Variants in IKBIP observed in about 807,000 individuals in gnomAD.
The protein encoded by IKBIP is inhibitor of nuclear factor kappa-B kinase-interacting protein.
In IKBIP, 28 loss-of-function variants were observed where a neutral mutation model predicts 31.0. The ratio of observed to expected loss-of-function variants is 0.90; its 90% CI spans 0.67 to 1.24. IKBIP has a LOEUF of 1.24. IKBIP is among the 50% of genes most tolerant of loss of function. IKBIP has a pLI of 0.00. For missense variants in IKBIP, 453 were observed against 441.9 expected, an observed-to-expected ratio of 1.03 and a Z score of -0.23; for synonymous variants, 164 against 160.3, an observed-to-expected ratio of 1.02 and a Z score of -0.17.
chr12:98,624,879 A>G lies in IKBIP; in HGVS notation c.*1051T>C, dbSNP rs900822478. On this transcript the variant is annotated 3_prime_UTR_variant, in exon 3 of 3. Transcript: ENST00000299157. ...GAGTGCAGTGGCGCGATCTCGGCTC[A>G]CTGCAAGCTCTGCCTCCCGGGTTCA... The G allele has an allele frequency of 2.3e-6, 1 of 432,174 alleles. No individual in the cohort carries two copies. The highest frequency in any genetic ancestry group is 9.8e-5 in the South Asian group (1 of 10,190). 26.8% of individuals were successfully genotyped at this position (432,174 alleles called of 1,614,324 possible). A position where few individuals can be genotyped will look rare whatever the true frequency, so the allele number is the denominator to read the frequency against.
chr12:98,617,469 T>A (rs1285016010), intron 2 of IKBIP, among the ~76,000 whole-genome samples: 1 of 152,232 alleles, frequency 6.6e-6, no homozygotes, highest in African/African-American at 2.4e-5. Context: ...TGCACACACA[T>A]GTGCGTGCCT....
intron 1 of IKBIP, among the ~76,000 whole-genome samples, chr12:98,634,692 C>T (rs2097624141): frequency 6.6e-6 from 1 of 151,186 alleles, no homozygotes; most frequent in Non-Finnish European, 1.5e-5. Flanking sequence ...CGCTATGTTG[C>T]CAAAGGTGGT....
At position 98,638,506 on chromosome 12, in the gene IKBIP, C is replaced by G. The variant is rs1411645035; in HGVS notation, c.180-4093G>C. ...CCCAGTCTTGTCTTGAACTCCTGGG[C>G]TCAAGTGATCCTCCTGCCTTGGCCT... On this transcript the variant is annotated intron_variant, in intron 1 of 2. Coordinates refer to ENST00000299157, the MANE Select transcript of IKBIP (RefSeq NM_153687.4). Among the ~76,000 whole-genome samples the G allele has an allele frequency of 3.3e-5, 5 of 152,138 alleles. No homozygotes were observed. In the East Asian group the frequency reaches 9.6e-4, roughly 29 times the overall value.
chr12:98,626,064 T>A lies in IKBIP; in HGVS notation c.1000A>T (p.Ile334Leu). 1 of 1,592,870 alleles carries A rather than the reference T, an allele frequency of 6.3e-7. No homozygotes were observed. The highest frequency in any genetic ancestry group is 8.6e-7 in the Non-Finnish European group (1 of 1,169,074). The part of the protein sequence containing the change: ...TLEGIQYDNS[I>L]LKMQNELDIL... ...TCCAGTTCATTTTGCATCTTTAATA[T>A]GCTATTATCATACTGAATTCCTTCA... The change falls in exon 3 of 3, where the codon ATA (isoleucine) becomes TTA (leucine). Residue 334 changes from isoleucine to leucine, a missense_variant. Coordinates refer to ENST00000299157, the MANE Select transcript of IKBIP (RefSeq NM_153687.4).
chr12:98,640,900 T>C (rs1025088347), intron 1 of IKBIP, among the ~76,000 whole-genome samples: 3 of 152,120 alleles, frequency 2.0e-5, no homozygotes, highest in African/African-American at 7.2e-5. Context: ...TAGCTGGGAC[T>C]ACAGGCATGC....
At chr12:98,615,640 A>C (rs1022969818) in intron 2 of IKBIP, among the ~76,000 whole-genome samples, 4 of 152,176 alleles carry the variant, frequency 2.6e-5, no homozygotes, top group Admixed American at 1.3e-4. Context: ...TCTTTAATCA[A>C]CATCTCTCAA....
In IKBIP at chr12:98,644,741, T is replaced by C; in HGVS notation, c.-40A>G. 1 of 1,571,268 alleles carries C rather than the reference T, an allele frequency of 6.4e-7. No homozygotes were observed. On this transcript the variant is annotated 5_prime_UTR_variant, in exon 1 of 3. Coordinates refer to ENST00000299157, the MANE Select transcript of IKBIP (RefSeq NM_153687.4). ...GGACGACAAGCCCAGGGCAGCTTCT[T>C]CACCAGGGGGAGCAGGACGTGGCCG... is the stretch of plus-strand genomic sequence containing the variant.
At chr12:98,618,729 G>A (rs375030072) in intron 2 of IKBIP, among the ~76,000 whole-genome samples, 14 of 151,558 alleles carry the variant, frequency 9.2e-5, no homozygotes, top group Non-Finnish European at 2.1e-4. Context: ...GATTACAGGC[G>A]TGAGCCACCA....
In IKBIP at chr12:98,626,002, G is replaced by C; in HGVS notation, c.1062C>G (p.Tyr354Ter). 6.5e-7 allele frequency: 1 copy of C among 1,529,894 alleles called. No individual in the cohort carries two copies. Among genetic ancestry groups the C allele is most frequent in the Non-Finnish European group, 8.8e-7 (1 of 1,132,522 alleles). The allele number at this position is 1,529,894 out of a possible 1,614,324, so 94.8% of individuals were successfully genotyped here. A position where few individuals can be genotyped will look rare whatever the true frequency, so the allele number is the denominator to read the frequency against. The change falls in exon 3 of 3, where the codon TAC becomes TAG. Residue 354 changes from tyrosine (Y) to a stop codon, truncating the protein, a stop_gained. Coordinates refer to ENST00000299157, the MANE Select transcript of IKBIP (RefSeq NM_153687.4). LOFTEE classifies it high-confidence loss of function. ...AAGTTCCCTTTTCTCCTGTACTTGA[G>C]TATGCTATAAAATCATGAACTTTTT... ...LKEKVHDFIAYSSTGEKGTLK... is the reference protein window; with the variant it reads ...LKEKVHDFIA
chr12:98,635,250 C>T (rs904445177), intron 1 of IKBIP, among the ~76,000 whole-genome samples: 1 of 149,738 alleles, frequency 6.7e-6, no homozygotes, highest in South Asian at 2.1e-4. Context: ...GTGATCTGCC[C>T]GCCTTGGCCT....
chr12:98,642,864 G>A (rs2097631859), intron 1 of IKBIP, among the ~76,000 whole-genome samples: 2 of 152,012 alleles, frequency 1.3e-5, no homozygotes, highest in African/African-American at 4.8e-5. Flanking sequence ...CTCCCAAAGT[G>A]CTGGGAGTAC....
At chr12:98,627,501 T>G (rs1401752011) in intron 2 of IKBIP, among the ~76,000 whole-genome samples, 1 of 148,002 alleles carries the variant, frequency 6.8e-6, no homozygotes, top group African/African-American at 2.5e-5. Context: ...TGCAGTGGCG[T>G]GATCTCGGCT....
At position 98,633,510 on chromosome 12, in the gene IKBIP, C is replaced by CTTTTTTT. The variant is rs71432181; in HGVS notation, c.297+779_297+785dup. Among the ~76,000 whole-genome samples, 260 of 61,406 alleles carry CTTTTTTT rather than the reference C, an allele frequency of 4.2e-3. 9 individuals carry two copies. The highest frequency in any genetic ancestry group is 0.013 in the East Asian group (21 of 1,658). 40.3% of individuals were successfully genotyped at this position (61,406 alleles called of 152,430 possible). A position where few individuals can be genotyped will look rare whatever the true frequency, so the allele number is the denominator to read the frequency against. On this transcript the variant is annotated intron_variant, in intron 2 of 2. Transcript: ENST00000299157. ...GCTAGCCGTTCTTTTTTTTTTAATT[C>CTTTTTTT]TTTTTTTTTTTTTTTTTTTTTTTTG...
chr12:98,613,672 T>G, exon 3 of IKBIP: 1 of 1,599,612 alleles, frequency 6.3e-7, no homozygotes, highest in East Asian at 2.2e-5. Context: ...TTTTTTCACT[T>G]AAGAAAGCAA....
At chr12:98,623,560 CTTTTTTTT>C (rs35433597), downstream of IKBIP, among the ~76,000 whole-genome samples, 60 of 64,214 alleles carry the variant, frequency 9.3e-4, 1 homozygote, top group African/African-American at 3.5e-3. Flanking sequence ...CCTCCTTACA[CTTTTTTTT>C]TTTTTTTTTT....
intron 1 of IKBIP, among the ~76,000 whole-genome samples, chr12:98,643,614 T>A (rs1161872067): frequency 6.6e-6 from 1 of 152,166 alleles, no homozygotes; most frequent in Non-Finnish European, 1.5e-5. Context: ...TATATCGCCA[T>A]TTACCTGATT....
chr12:98,614,997 C>T (rs2055306), intron 2 of IKBIP, among the ~76,000 whole-genome samples: 131,913 of 152,244 alleles, frequency 0.87, 57,410 homozygotes, highest in African/African-American at 0.95. Flanking sequence ...AGGAAGTTTC[C>T]TCCAGTTGAG....
chr12:98,622,445 C>G (rs187590523), downstream of IKBIP, among the ~76,000 whole-genome samples: 105 of 152,180 alleles, frequency 6.9e-4, no homozygotes, highest in Admixed American at 1.2e-3. Flanking sequence ...TCCCTTGGGC[C>G]CAGGAAGTTG....
In IKBIP at chr12:98,615,472, G is replaced by T. The variant is rs577726050; in HGVS notation, c.298-1132C>A. 2.8e-4 allele frequency among the ~76,000 whole-genome samples: 42 copies of T among 152,052 alleles called. No homozygotes were observed. In the South Asian group the frequency reaches 3.3e-3, roughly 12 times the overall value. ...TGAAACTCCTAATCTCAAGTGATTC[G>T]CCCGCCTCGACCTCCCAAAGTGCTA... On this transcript the variant is annotated intron_variant, in intron 2 of 2. Transcript: ENST00000342502.
Sources: allele counts gnomAD v4.1 joint callset (sites outside exome capture counted in the v4.1 genomes callset), GRCh38; gene constraint gnomAD v4.1.1; transcripts MANE v1.5; gene names NCBI Gene and HGNC (gene_info 2026-07-23, HGNC 2026-07-21).